Variants in LRRC7 observed in about 807,000 individuals in gnomAD.
The protein encoded by LRRC7 is leucine-rich repeat-containing protein 7.
A neutral mutation model predicts 175.7 loss-of-function variants in LRRC7; 23 were observed. The observed-to-expected ratio is 0.13, with a 90% CI of 0.09 to 0.19. LRRC7 has a LOEUF of 0.19. LRRC7 is among the 10% of genes least tolerant of loss of function. The pLI, the probability that LRRC7 is intolerant of heterozygous loss-of-function variation, is 1.00. For synonymous variants in LRRC7, 685 were observed against 680.9 expected (o/e 1.01, Z -0.09); for missense variants, 1,354 against 1,904.7 (o/e 0.71, Z 5.38).
chr1:69,628,768 T>C (rs1652008190), intron 1 of LRRC7, among the ~76,000 whole-genome samples: 2 of 152,224 alleles, frequency 1.3e-5, no homozygotes, highest in South Asian at 2.1e-4. Context: ...TGGCAAAGAA[T>C]AGACAAATAG....
rs536618783 is a variant in LRRC7 at position 69,760,680 on chromosome 1, G to C, written c.303+287G>C. On this transcript the variant is annotated intron_variant, in intron 3 of 26. Coordinates refer to ENST00000651989, the MANE Select transcript of LRRC7 (RefSeq NM_001370785.2). ...CCTCTATAAAAATATAGAGTAGAGGGTTGAGATCAATAGTTTATGTTTAGA... is the reference window on the plus strand; with the variant it reads ...CCTCTATAAAAATATAGAGTAGAGGCTTGAGATCAATAGTTTATGTTTAGA... 2.6e-5 allele frequency among the ~76,000 whole-genome samples: 4 copies of C among 151,986 alleles called. No homozygotes were observed. The East Asian group carries it at 7.8e-4, about 30-fold the overall frequency.
At chr1:69,926,152 T>C (rs1647065621) in intron 7 of LRRC7, among the ~76,000 whole-genome samples, 1 of 149,714 alleles carries the variant, frequency 6.7e-6, no homozygotes, top group African/African-American at 2.4e-5. Flanking sequence ...TTGATTGCAC[T>C]GTGGTCTGAG....
intron 1 of LRRC7, among the ~76,000 whole-genome samples, chr1:69,675,799 C>T (rs1400516428): frequency 6.6e-6 from 1 of 152,062 alleles, no homozygotes; most frequent in African/African-American, 2.4e-5. Context: ...GCCCCCCACA[C>T]GCACACATAT....
chr1:69,974,591 G>GT (rs1174237949), intron 8 of LRRC7, among the ~76,000 whole-genome samples: 1 of 152,126 alleles, frequency 6.6e-6, no homozygotes, highest in East Asian at 1.9e-4. Flanking sequence ...CAATGTGTTG[G>GT]TTGAATGTAA....
intron 26 of LRRC7, among the ~76,000 whole-genome samples, chr1:70,117,061 C>T (rs1314521190): frequency 6.6e-6 from 1 of 152,146 alleles, no homozygotes. Context: ...CTCTAACATA[C>T]AAAATTTATG....
chr1:70,096,712 G>GA (rs35182626), intron 25 of LRRC7, among the ~76,000 whole-genome samples: 35 of 150,512 alleles, frequency 2.3e-4, no homozygotes, highest in Middle Eastern at 6.8e-3. Flanking sequence ...TTCCTAGACT[G>GA]AAAAAAAAAG....
intron 1 of LRRC7, among the ~76,000 whole-genome samples, chr1:69,613,390 A>G (rs751228483): frequency 6.6e-6 from 1 of 152,006 alleles, no homozygotes; most frequent in African/African-American, 2.4e-5. Context: ...ACCTCTAGAT[A>G]TTAGTATCAT....
chr1:69,855,768 T>C (rs1683533827), intron 7 of LRRC7, among the ~76,000 whole-genome samples: 1 of 152,154 alleles, frequency 6.6e-6, no homozygotes, highest in African/African-American at 2.4e-5. Flanking sequence ...TCTAAGTCTC[T>C]TTGTAGTTCT....
chr1:69,931,742 T>C (rs1647405016), intron 8 of LRRC7, among the ~76,000 whole-genome samples, 172 bp downstream of exon 8: 1 of 152,190 alleles, frequency 6.6e-6, no homozygotes, highest in African/African-American at 2.4e-5. Context: ...AAAAATGGAA[T>C]TGAGCCAGAT....
intron 7 of LRRC7, among the ~76,000 whole-genome samples, chr1:69,854,220 C>A (rs1187048500): frequency 6.6e-6 from 1 of 152,108 alleles, no homozygotes; most frequent in African/African-American, 2.4e-5. Context: ...GAACATGGAA[C>A]CAAGCACAGT....
intron 8 of LRRC7, among the ~76,000 whole-genome samples, chr1:69,932,884 C>T (rs1305402198): frequency 6.6e-6 from 1 of 152,252 alleles, no homozygotes. Flanking sequence ...GGGCTGCTGT[C>T]TGCAGCTGAT....
chr1:69,826,738 T>C (rs1679955191), intron 5 of LRRC7, among the ~76,000 whole-genome samples: 1 of 152,112 alleles, frequency 6.6e-6, no homozygotes, highest in African/African-American at 2.4e-5. Context: ...TGTAGGAGGC[T>C]AGGGGAAACC....
chr1:69,710,652 G>T (rs917789200), intron 2 of LRRC7, among the ~76,000 whole-genome samples: 72 of 152,270 alleles, frequency 4.7e-4, no homozygotes, highest in African/African-American at 1.7e-3. Context: ...TGGATAAAAT[G>T]CTTGGAATGT....
intron 26 of LRRC7, among the ~76,000 whole-genome samples, chr1:70,110,893 A>G (rs187394306): frequency 6.6e-6 from 1 of 152,314 alleles, no homozygotes; most frequent in East Asian, 1.9e-4. Context: ...ATTTATCTAT[A>G]TATAATACTA....
At chr1:69,961,144 T>G (rs1039290896) in intron 8 of LRRC7, among the ~76,000 whole-genome samples, 2 of 152,084 alleles carry the variant, frequency 1.3e-5, no homozygotes, top group East Asian at 3.9e-4. Flanking sequence ...TCTCAGGATA[T>G]AAAATCAATA....
rs187243823 is a variant in LRRC7, at chr1:70,129,517, A to G, written c.*7630A>G. ...GTTACGGGAGAAGGAGATGGAATTCAACACTTTAAAAAGTGTGGGGGGGTT... is the reference window on the plus strand; with the variant it reads ...GTTACGGGAGAAGGAGATGGAATTCGACACTTTAAAAAGTGTGGGGGGGTT... On this transcript the variant is annotated 3_prime_UTR_variant, in exon 27 of 27. Transcript: ENST00000651989. Among the ~76,000 whole-genome samples, 335 of 152,252 alleles carry G rather than the reference A, an allele frequency of 2.2e-3. 1 individual carries two copies. Among genetic ancestry groups the G allele is most frequent in the Non-Finnish European group, 3.7e-3 (250 of 68,020 alleles).
chr1:70,099,454 G>T (rs960405440), intron 25 of LRRC7, among the ~76,000 whole-genome samples: 37 of 148,922 alleles, frequency 2.5e-4, no homozygotes, highest in Middle Eastern at 3.4e-3. Flanking sequence ...TCAACATAGT[G>T]TTGGAAGTTC....
chr1:70,113,251 G>T (rs1299725097), intron 26 of LRRC7, among the ~76,000 whole-genome samples: 4 of 152,194 alleles, frequency 2.6e-5, no homozygotes, highest in Non-Finnish European at 5.9e-5. Context: ...TCAGCTTGCT[G>T]AGAGAATTTT....
intron 9 of LRRC7, among the ~76,000 whole-genome samples, chr1:69,984,987 A>C (rs567121508): frequency 6.6e-6 from 1 of 152,244 alleles, no homozygotes; most frequent in African/African-American, 2.4e-5. Flanking sequence ...ATGCTTCGTC[A>C]CACTTTATAA....
Sources: allele counts gnomAD v4.1 joint callset (sites outside exome capture counted in the v4.1 genomes callset), GRCh38; gene constraint gnomAD v4.1.1; transcripts MANE v1.5; gene names NCBI Gene and HGNC (gene_info 2026-07-23, HGNC 2026-07-21).